KCTD1: variants seen among roughly 807,000 people sequenced by gnomAD.
KCTD1 encodes the protein potassium channel tetramerization domain containing 1, also known as BTB/POZ domain-containing protein KCTD1.
In KCTD1, 24 loss-of-function variants were observed where a neutral mutation model predicts 66.0. The observed-to-expected ratio is 0.36, with a 90% CI of 0.26 to 0.51. The LOEUF (loss-of-function observed/expected upper bound fraction) is 0.51, where lower values mean the gene tolerates loss of function less well. KCTD1 is among the 20% of genes least tolerant of loss of function. The pLI is 0.95. For synonymous variants in KCTD1, 511 were observed against 517.2 expected, an observed-to-expected ratio of 0.99 and a Z score of 0.16; for missense variants, 943 against 1,205.2, an observed-to-expected ratio of 0.78 and a Z score of 3.22.
chr18:26,582,105 C>CA lies in KCTD1; in HGVS notation c.-16+47041dup, dbSNP rs34695011. On this transcript the variant is annotated intron_variant, in intron 1 of 4. Transcript: ENST00000317932. ...TAACATGGTGAAACCCTGTCTCTAC[C>CA]AAAAAAAAAAAAAAAAAATTAGCGG... Among the ~76,000 whole-genome samples the CA allele has an allele frequency of 1.7e-3, 232 of 134,798 alleles. 1 individual carries two copies. Among genetic ancestry groups the CA allele is most frequent in the African/African-American group, 4.0e-3 (145 of 36,284 alleles). 88.4% of individuals were successfully genotyped at this position (134,798 alleles called of 152,430 possible).
At chr18:26,561,843 G>A (rs1259258464) in intron 1 of KCTD1, among the ~76,000 whole-genome samples, 1 of 152,168 alleles carries the variant, frequency 6.6e-6, no homozygotes, top group Non-Finnish European at 1.5e-5. Context: ...AAGGGGGCAG[G>A]GCCATGGAAT....
At chr18:26,622,078 T>G (rs180786473) in intron 1 of KCTD1, among the ~76,000 whole-genome samples, 57 of 152,326 alleles carry the variant, frequency 3.7e-4, no homozygotes, top group African/African-American at 1.3e-3. Flanking sequence ...CTGGGACATA[T>G]TTTTCTTATT....
chr18:26,546,070 T>C (rs533760493), intron 1 of KCTD1, among the ~76,000 whole-genome samples: 2 of 152,242 alleles, frequency 1.3e-5, no homozygotes, highest in East Asian at 3.9e-4. Context: ...CACAGGCCCA[T>C]ACTCCAATTT....
chr18:26,526,036 T>C (rs1187169140), intron 1 of KCTD1, among the ~76,000 whole-genome samples: 1 of 151,678 alleles, frequency 6.6e-6, no homozygotes, highest in Non-Finnish European at 1.5e-5. Flanking sequence ...TAGTGAAGAG[T>C]AGTTCAGAGA....
intron 1 of KCTD1, among the ~76,000 whole-genome samples, chr18:26,559,727 C>A (rs1030901671): frequency 2.0e-5 from 3 of 152,138 alleles, no homozygotes; most frequent in African/African-American, 7.2e-5. Context: ...AGGCCTGAAG[C>A]AGAGTAGACT....
intron 1 of KCTD1, chr18:26,655,784 G>C (rs1177443857): frequency 1.3e-5 from 2 of 152,294 alleles, no homozygotes; most frequent in Non-Finnish European, 2.9e-5. Context: ...GTCTACCCGC[G>C]ACAGTTCGCA....
chr18:26,497,717 C>T (rs944796374), intron 2 of KCTD1, among the ~76,000 whole-genome samples: 3 of 152,176 alleles, frequency 2.0e-5, no homozygotes, highest in Admixed American at 6.5e-5. Flanking sequence ...ACCTGAGCAG[C>T]GTCATTTGCT....
At chr18:26,584,456 A>C (rs966679763) in intron 1 of KCTD1, among the ~76,000 whole-genome samples, 2 of 152,198 alleles carry the variant, frequency 1.3e-5, no homozygotes, top group Non-Finnish European at 2.9e-5. Flanking sequence ...ATCACTAGAA[A>C]ATTTAAATCT....
chr18:26,631,861 A>G (rs1987626418), upstream of KCTD1, among the ~76,000 whole-genome samples: 1 of 150,080 alleles, frequency 6.7e-6, no homozygotes, highest in Non-Finnish European at 1.5e-5. Context: ...ATCCTGGCTA[A>G]CATGGTGAAA....
chr18:26,528,257 A>T (rs1191153929), intron 1 of KCTD1, among the ~76,000 whole-genome samples: 2 of 152,174 alleles, frequency 1.3e-5, no homozygotes, highest in Admixed American at 1.3e-4. Flanking sequence ...TTTAATGGGG[A>T]GCCAGGATCC....
intron 1 of KCTD1, among the ~76,000 whole-genome samples, chr18:26,589,389 C>T (rs1986545636): frequency 6.6e-6 from 1 of 152,056 alleles, no homozygotes; most frequent in Non-Finnish European, 1.5e-5. Context: ...CATGAAACCT[C>T]TATGGGATTT....
At chr18:26,500,723 A>T (rs1305975492) in intron 2 of KCTD1, among the ~76,000 whole-genome samples, 1 of 152,178 alleles carries the variant, frequency 6.6e-6, no homozygotes, top group Admixed American at 6.6e-5. Flanking sequence ...CAGAACCTAT[A>T]AGAAAGCATG....
At chr18:26,549,096 C>CCGGAG (rs1171836387), upstream of KCTD1, 8 of 984,828 alleles carry the variant, frequency 8.1e-6, no homozygotes, top group East Asian at 1.2e-4. Context: ...CTGGGGCCGC[C>CCGGAG]CGGAGCGGAG....
intron 1 of KCTD1, among the ~76,000 whole-genome samples, chr18:26,628,350 A>G (rs7226434): frequency 0.012 from 1,802 of 152,226 alleles, 49 homozygotes; most frequent in African/African-American, 0.041. Context: ...ACACACACAC[A>G]CACAGACCTT....
chr18:26,493,850 C>T (rs753279235), intron 2 of KCTD1, among the ~76,000 whole-genome samples: 10 of 152,158 alleles, frequency 6.6e-5, no homozygotes, highest in Non-Finnish European at 1.3e-4. Context: ...TCCCCTCCAC[C>T]CCCAGCCCAC....
intron 1 of KCTD1, among the ~76,000 whole-genome samples, chr18:26,541,528 T>C (rs1397431827): frequency 6.6e-6 from 1 of 152,194 alleles, no homozygotes; most frequent in African/African-American, 2.4e-5. Flanking sequence ...CTGTCATATG[T>C]AAGTGGATCT....
chr18:26,561,793 TC>T (rs540565808), intron 1 of KCTD1, among the ~76,000 whole-genome samples: 114 of 152,204 alleles, frequency 7.5e-4, no homozygotes, highest in African/African-American at 2.7e-3. Context: ...AGTCTCTCTT[TC>T]TCTAGGAATC....
chr18:26,509,363 C>T (rs1270994197), intron 1 of KCTD1, among the ~76,000 whole-genome samples: 2 of 151,856 alleles, frequency 1.3e-5, no homozygotes, highest in East Asian at 3.9e-4. Flanking sequence ...ATAGAGACTA[C>T]TTATTCTTTT....
chr18:26,653,688 T>C (rs1988077237), intron 1 of KCTD1, among the ~76,000 whole-genome samples: 1 of 152,276 alleles, frequency 6.6e-6, no homozygotes, highest in African/African-American at 2.4e-5. Context: ...AGGCTTATTA[T>C]GCTTAAAGGA....
Sources: allele counts gnomAD v4.1 joint callset (sites outside exome capture counted in the v4.1 genomes callset), GRCh38; gene constraint gnomAD v4.1.1; transcripts MANE v1.5; gene names NCBI Gene and HGNC (gene_info 2026-07-23, HGNC 2026-07-21).